Variants in LRFN2 observed in about 807,000 individuals in gnomAD.
LRFN2 encodes leucine rich repeat and fibronectin type III domain containing 2.
In LRFN2, 18 loss-of-function variants were observed where a neutral mutation model predicts 37.3. That is an observed-to-expected ratio of 0.48 (90% CI 0.33 to 0.72). The LOEUF (loss-of-function observed/expected upper bound fraction) is 0.72. LRFN2 is among the 30% of genes least tolerant of loss of function. The pLI, the probability that LRFN2 is intolerant of heterozygous loss-of-function variation, is 0.02. For synonymous variants in LRFN2, 556 were observed against 466.6 expected (o/e 1.19, Z -2.47); for missense variants, 1,006 against 1,060.7 (o/e 0.95, Z 0.72).
intron 1 of LRFN2, among the ~76,000 whole-genome samples, chr6:40,569,631 T>G (rs960586367): frequency 2.6e-5 from 4 of 152,162 alleles, no homozygotes; most frequent in African/African-American, 9.7e-5. Context: ...GTAATTAAAC[T>G]GGGGACCAGC....
chr6:40,562,218 CT>C (rs1182020106), intron 1 of LRFN2, among the ~76,000 whole-genome samples: 1 of 152,064 alleles, frequency 6.6e-6, no homozygotes, highest in African/African-American at 2.4e-5. Context: ...TCACAGAAGG[CT>C]TCCTGTGGAT....
intron 1 of LRFN2, among the ~76,000 whole-genome samples, chr6:40,583,070 G>A (rs1047747225): frequency 6.6e-6 from 1 of 152,052 alleles, no homozygotes; most frequent in Non-Finnish European, 1.5e-5. Flanking sequence ...TTAAGACAAT[G>A]CATCCTCAGT....
At chr6:40,500,808 A>C (rs141248138) in intron 1 of LRFN2, among the ~76,000 whole-genome samples, 265 of 152,364 alleles carry the variant, frequency 1.7e-3, no homozygotes, top group African/African-American at 6.0e-3. Context: ...TGGATGGACT[A>C]TAGCATCAAA....
At chr6:40,503,704 C>T (rs1283117595) in intron 1 of LRFN2, among the ~76,000 whole-genome samples, 1 of 152,044 alleles carries the variant, frequency 6.6e-6, no homozygotes, top group Non-Finnish European at 1.5e-5. Context: ...CTTGTGGAGC[C>T]CAACACCAGT....
intron 2 of LRFN2, among the ~76,000 whole-genome samples, chr6:40,394,957 T>C: frequency 1.3e-5 from 1 of 77,354 alleles, no homozygotes; most frequent in East Asian, 3.6e-4. Flanking sequence ...TCTTTTCCTT[T>C]TTTTTTTTTT....
intron 1 of LRFN2, among the ~76,000 whole-genome samples, chr6:40,533,378 C>G (rs539449275): frequency 2.9e-4 from 36 of 125,032 alleles, no homozygotes; most frequent in Non-Finnish European, 4.8e-4. Context: ...GCTCAAAACA[C>G]ACACACACAC....
At chr6:40,489,005 A>G (rs1366077061) in intron 1 of LRFN2, among the ~76,000 whole-genome samples, 2 of 152,360 alleles carry the variant, frequency 1.3e-5, no homozygotes, top group African/African-American at 4.8e-5. Context: ...GTTGGCGTAA[A>G]GACTTCACAT....
At chr6:40,556,716 GACAC>G (rs35308131) in intron 1 of LRFN2, among the ~76,000 whole-genome samples, 1,463 of 120,894 alleles carry the variant, frequency 0.012, 22 homozygotes, top group Admixed American at 0.014. Flanking sequence ...TACCTACATA[GACAC>G]ACACACACAC....
intron 1 of LRFN2, among the ~76,000 whole-genome samples, chr6:40,439,982 G>A (rs1258581743): frequency 5.3e-5 from 8 of 151,948 alleles, no homozygotes; most frequent in Admixed American, 5.2e-4. Context: ...TAGCTTAGTG[G>A]CTGCAGAAAG....
intron 1 of LRFN2, among the ~76,000 whole-genome samples, chr6:40,472,580 C>A (rs1764623815): frequency 6.6e-6 from 1 of 152,200 alleles, no homozygotes; most frequent in South Asian, 2.1e-4. Context: ...TTCAGATTCA[C>A]CCCGTGTAAG....
At chr6:40,438,332 C>A (rs1432091484) in intron 1 of LRFN2, among the ~76,000 whole-genome samples, 1 of 152,110 alleles carries the variant, frequency 6.6e-6, no homozygotes, top group Non-Finnish European at 1.5e-5. Flanking sequence ...AAGGTGAGTG[C>A]CACCATAATT....
intron 1 of LRFN2, among the ~76,000 whole-genome samples, chr6:40,499,044 G>A (rs116790584): frequency 0.018 from 2,700 of 152,216 alleles, 27 homozygotes; most frequent in Non-Finnish European, 0.026. Context: ...ACACAAATCC[G>A]AAGGCATTTT....
At chr6:40,441,318 T>C (rs1763829854) in intron 1 of LRFN2, among the ~76,000 whole-genome samples, 1 of 152,004 alleles carries the variant, frequency 6.6e-6, no homozygotes, top group African/African-American at 2.4e-5. Context: ...AGAATGTGAA[T>C]GGAGAGGTGT....
chr6:40,528,221 T>C (rs986988426), intron 1 of LRFN2, among the ~76,000 whole-genome samples: 1 of 152,256 alleles, frequency 6.6e-6, no homozygotes, highest in African/African-American at 2.4e-5. Flanking sequence ...ATGTCCTCCC[T>C]AACTCCAGCC....
At chr6:40,469,195 A>G (rs528057214) in intron 1 of LRFN2, among the ~76,000 whole-genome samples, 9 of 152,280 alleles carry the variant, frequency 5.9e-5, no homozygotes, top group African/African-American at 2.2e-4. Context: ...CCACAAGCCA[A>G]GGAACACCCG....
intron 1 of LRFN2, among the ~76,000 whole-genome samples, chr6:40,543,767 C>A (rs543469151): frequency 6.6e-6 from 1 of 152,228 alleles, no homozygotes; most frequent in Non-Finnish European, 1.5e-5. Context: ...ATCCTAGCAG[C>A]ATGCTGAAAA....
intron 1 of LRFN2, among the ~76,000 whole-genome samples, chr6:40,484,421 G>C (rs372372508): frequency 6.6e-6 from 1 of 152,196 alleles, no homozygotes; most frequent in Non-Finnish European, 1.5e-5. Flanking sequence ...GTCCCTCCTG[G>C]CAGCTTCTTC....
At chr6:40,506,206 C>T (rs1765532121) in intron 1 of LRFN2, among the ~76,000 whole-genome samples, 1 of 152,202 alleles carries the variant, frequency 6.6e-6, no homozygotes, top group Non-Finnish European at 1.5e-5. Flanking sequence ...AAGTGGGTGT[C>T]TACACCCGCT....
intron 1 of LRFN2, among the ~76,000 whole-genome samples, chr6:40,478,468 A>T (rs1764755623): frequency 6.6e-6 from 1 of 152,184 alleles, no homozygotes; most frequent in South Asian, 2.1e-4. Context: ...TATTATACAC[A>T]TGGGGGAAAC....
Sources: gnomAD v4.1 joint callset for allele counts (sites outside exome capture counted in the v4.1 genomes callset) on GRCh38, gnomAD v4.1.1 for gene constraint, MANE v1.5 for transcripts, NCBI Gene and HGNC (gene_info 2026-07-23, HGNC 2026-07-21) for gene names.